CHRNB3: variants seen among roughly 807,000 people sequenced by gnomAD.
CHRNB3 encodes the protein cholinergic receptor nicotinic beta 3 subunit, also known as neuronal acetylcholine receptor subunit beta-3.
Under a neutral mutation model 40.6 loss-of-function variants are expected in CHRNB3, and 37 were observed. That is an observed-to-expected ratio of 0.91 (90% CI 0.70 to 1.20). CHRNB3 has a LOEUF of 1.20. CHRNB3 is among the 50% of genes most tolerant of loss of function. The pLI, the probability that CHRNB3 is intolerant of heterozygous loss-of-function variation, is 0.00. For missense variants in CHRNB3, 505 were observed against 551.2 expected (o/e 0.92, Z 0.84); for synonymous variants, 207 against 207.1 (o/e 1.00, Z 0.00).
rs774015181 is a variant in CHRNB3 at position 42,730,639 on chromosome 8, G to A, written c.295G>A (p.Gly99Arg). 1.2e-6 allele frequency: 2 copies of A among 1,609,682 alleles called. No homozygotes were observed. The highest frequency in any genetic ancestry group is 3.3e-5 in the Admixed American group (2 of 59,752). ...KLRWNPDDYG[G>R]IHSIKVPSES... ...ACGCTGGAATCCTGATGATTATGGTGGGATCCATTCCATTAAAGTTCCATC... is the reference window on the plus strand; with the variant it reads ...ACGCTGGAATCCTGATGATTATGGTAGGATCCATTCCATTAAAGTTCCATC... Residue 99 changes from glycine to arginine, a missense_variant, in exon 4 of 6, where the codon GGG (glycine) becomes AGG (arginine). Physicochemically the swap from Gly to Arg is moderately radical, Grantham distance 125. Coordinates refer to ENST00000289957, the MANE Select transcript of CHRNB3 (RefSeq NM_000749.5).
At chr8:42,720,077 T>A (rs62518199) in intron 3 of CHRNB3, among the ~76,000 whole-genome samples, 8,423 of 147,364 alleles carry the variant, frequency 0.057, 310 homozygotes, top group Middle Eastern at 0.11. Flanking sequence ...CCAGCCTTCC[T>A]TCCCCACGCA....
At chr8:42,709,139 T>C (rs1234079723) in intron 2 of CHRNB3, among the ~76,000 whole-genome samples, 1 of 151,978 alleles carries the variant, frequency 6.6e-6, no homozygotes. Flanking sequence ...CTGGCCCCGG[T>C]TTGCTGAACA....
intron 1 of CHRNB3, among the ~76,000 whole-genome samples, chr8:42,704,675 A>G (rs1006129107): frequency 2.7e-5 from 4 of 150,842 alleles, no homozygotes; most frequent in South Asian, 2.1e-4. Context: ...TGTCTGAGCT[A>G]ATAGGTGTGT....
At chr8:42,705,691 A>G (rs1396019131) in intron 1 of CHRNB3, 1 of 152,258 alleles carries the variant, frequency 6.6e-6, no homozygotes, top group Non-Finnish European at 1.5e-5. Context: ...ATAAGTGAAG[A>G]CAAGTGCCTT....
chr8:42,706,349 G>A (rs928021476), intron 1 of CHRNB3, among the ~76,000 whole-genome samples: 1 of 152,150 alleles, frequency 6.6e-6, no homozygotes. Context: ...TTCTTTCTGA[G>A]TGTGATGGGA....
intron 1 of CHRNB3, among the ~76,000 whole-genome samples, chr8:42,707,248 CCTG>C (rs1815936137): frequency 6.6e-6 from 1 of 152,194 alleles, no homozygotes; most frequent in Non-Finnish European, 1.5e-5. Context: ...ACAGAAGCCT[CCTG>C]CACACAGGGG....
At chr8:42,722,805 C>T (rs991924642) in intron 3 of CHRNB3, among the ~76,000 whole-genome samples, 10 of 152,062 alleles carry the variant, frequency 6.6e-5, no homozygotes, top group East Asian at 3.9e-4. Flanking sequence ...TGGGCTGAAG[C>T]GACCCACCTG....
intron 3 of CHRNB3, chr8:42,726,366 G>A: frequency 4.1e-6 from 2 of 482,016 alleles, no homozygotes; most frequent in Non-Finnish European, 7.2e-6. Flanking sequence ...CTACAGAAAA[G>A]ATCCCAAAAT....
intron 3 of CHRNB3, among the ~76,000 whole-genome samples, chr8:42,719,214 G>A (rs1381499737): frequency 6.6e-6 from 1 of 152,192 alleles, no homozygotes; most frequent in Non-Finnish European, 1.5e-5. Flanking sequence ...ACGAGATAGA[G>A]GTTTGGGCTC....
chr8:42,726,839 A>G (rs1447644033), intron 3 of CHRNB3, among the ~76,000 whole-genome samples: 1 of 152,148 alleles, frequency 6.6e-6, no homozygotes, highest in Non-Finnish European at 1.5e-5. Flanking sequence ...TAAGCCTAAA[A>G]CTGCAAAACA....
At position 42,717,860 on chromosome 8, in the gene CHRNB3, C is replaced by T. The variant is rs1037466772; in HGVS notation, c.249+7426C>T. On this transcript the variant is annotated intron_variant, in intron 3 of 5. Coordinates refer to ENST00000289957, the MANE Select transcript of CHRNB3 (RefSeq NM_000749.5). ...TTTTTTTTTGAGGCAGAGTCTCACT[C>T]TGTCGCCCAGGCTGGAGTATGGAGT... Among the ~76,000 whole-genome samples the T allele has an allele frequency of 4.6e-5, 6 of 130,486 alleles. No individual in the cohort carries two copies. In the East Asian group the frequency reaches 9.6e-4, roughly 21 times the overall value. 85.6% of individuals were successfully genotyped at this position (130,486 alleles called of 152,430 possible). A position where few individuals can be genotyped will look rare whatever the true frequency, so the allele number is the denominator to read the frequency against.
chr8:42,705,864 C>T (rs1190114414), intron 1 of CHRNB3: 1 of 152,232 alleles, frequency 6.6e-6, no homozygotes, highest in Non-Finnish European at 1.5e-5. Context: ...AAGCTGACTG[C>T]ATTGTTGCTC....
intron 4 of CHRNB3, among the ~76,000 whole-genome samples, chr8:42,731,170 A>G (rs940180550): frequency 3.9e-5 from 6 of 152,150 alleles, no homozygotes; most frequent in Admixed American, 2.6e-4. Context: ...GGAATAGAAA[A>G]TTCTGATTCA....
intron 1 of CHRNB3, among the ~76,000 whole-genome samples, chr8:42,699,785 C>T (rs1815747526): frequency 6.6e-6 from 1 of 151,782 alleles, no homozygotes; most frequent in Non-Finnish European, 1.5e-5. Flanking sequence ...AGAAAAAGGT[C>T]TCATGCTATC....
chr8:42,726,361 G>T (rs776538412), intron 3 of CHRNB3: 5 of 469,660 alleles, frequency 1.1e-5, no homozygotes, highest in Non-Finnish European at 1.9e-5. Flanking sequence ...AAAATCTACA[G>T]AAAAGATCCC....
At chr8:42,715,151 T>C (rs1816078542) in intron 3 of CHRNB3, among the ~76,000 whole-genome samples, 1 of 152,138 alleles carries the variant, frequency 6.6e-6, no homozygotes, top group Admixed American at 6.5e-5. Flanking sequence ...GACATAGCGT[T>C]AGTTACTAAA....
chr8:42,707,176 C>T (rs1815935376), intron 1 of CHRNB3, among the ~76,000 whole-genome samples: 1 of 152,206 alleles, frequency 6.6e-6, no homozygotes, highest in Admixed American at 6.5e-5. Context: ...CCCACTTCAC[C>T]CATGCCTCTG....
intron 3 of CHRNB3, among the ~76,000 whole-genome samples, chr8:42,717,149 G>A (rs1316972180): frequency 7.4e-6 from 1 of 134,294 alleles, no homozygotes; most frequent in Non-Finnish European, 1.6e-5. Context: ...CGAGGCGGGC[G>A]GATCACGAGG....
intron 5 of CHRNB3, among the ~76,000 whole-genome samples, chr8:42,735,633 C>A (rs1428436391): frequency 6.6e-6 from 1 of 152,136 alleles, no homozygotes; most frequent in Non-Finnish European, 1.5e-5. Context: ...GGGATGAGGA[C>A]TCCCCTTCCT....
Sources: allele counts gnomAD v4.1 joint callset (sites outside exome capture counted in the v4.1 genomes callset), GRCh38; gene constraint gnomAD v4.1.1; transcripts MANE v1.5; gene names NCBI Gene and HGNC (gene_info 2026-07-23, HGNC 2026-07-21).